The following CD8B2 variants were observed in gnomAD, a reference collection of about 807,000 sequenced individuals.
The protein encoded by CD8B2 is CD8B family member 2.
In CD8B2, 11 loss-of-function variants were observed where a neutral mutation model predicts 23.7. That is an observed-to-expected ratio of 0.46 (90% CI 0.29 to 0.77). The LOEUF is 0.77. Ranked by LOEUF, CD8B2 falls within the 30% of genes least tolerant of loss-of-function variation. The probability of loss-of-function intolerance (pLI) is 0.09; values close to 1 mark genes in which losing one functional copy is unlikely to be tolerated. For synonymous variants in CD8B2, 90 were observed against 109.3 expected (o/e 0.82, Z 1.10); for missense variants, 197 against 270.5 (o/e 0.73, Z 1.91).
At chr2:106,528,636 G>A (rs1679948486) in intron 5 of CD8B2, among the ~76,000 whole-genome samples, 1 of 152,184 alleles carries the variant, frequency 6.6e-6, no homozygotes, top group Non-Finnish European at 1.5e-5. Context: ...ATGAAAAAGA[G>A]AATAGCTCAT....
At chr2:106,491,887 C>T (rs1220967233) in intron 2 of CD8B2, among the ~76,000 whole-genome samples, 5 of 152,090 alleles carry the variant, frequency 3.3e-5, no homozygotes, top group Non-Finnish European at 7.4e-5. Context: ...CAGTGCGGTC[C>T]TTCAGGCCAC....
chr2:106,503,978 T>C (rs1481347815), intron 4 of CD8B2, among the ~76,000 whole-genome samples: 1 of 152,222 alleles, frequency 6.6e-6, no homozygotes, highest in African/African-American at 2.4e-5. Context: ...ACTCTGCAGC[T>C]GATTAATTGA....
At chr2:106,527,769 C>G (rs573290444) in intron 5 of CD8B2, among the ~76,000 whole-genome samples, 2 of 151,874 alleles carry the variant, frequency 1.3e-5, no homozygotes, top group South Asian at 2.1e-4. Flanking sequence ...GGCCACAGAG[C>G]GAGACTTTGT....
chr2:106,534,609 C>T (rs910875269), intron 5 of CD8B2, among the ~76,000 whole-genome samples: 1 of 152,050 alleles, frequency 6.6e-6, no homozygotes, highest in Non-Finnish European at 1.5e-5. Context: ...CCCAGGGGAA[C>T]GCCGGGTTCC....
Position 106,490,898 on chromosome 2 carries a change from A to AG in CD8B2, c.69dup (p.Gln24AlafsTer21). 6.3e-7 allele frequency: 1 copy of AG among 1,587,714 alleles called. No individual in the cohort carries two copies. The highest frequency in any genetic ancestry group is 2.2e-5 in the East Asian group (1 of 44,630). On this transcript the variant is annotated frameshift_variant, in exon 2 of 6. Transcript: ENST00000643224. LOFTEE classifies it high-confidence loss of function. ...GTTCTCCATGGCAACTCAGTCCTCC[A>AG]GCAGACCCCTGCATACATAAAGGTG...
intron 5 of CD8B2, among the ~76,000 whole-genome samples, chr2:106,519,426 A>C (rs957851556): frequency 2.0e-5 from 3 of 152,202 alleles, no homozygotes; most frequent in Admixed American, 6.5e-5. Flanking sequence ...TTAATTCCTC[A>C]TAACATCACT....
chr2:106,503,411 C>A (rs1400715058), intron 4 of CD8B2, among the ~76,000 whole-genome samples: 3 of 152,166 alleles, frequency 2.0e-5, no homozygotes, highest in Admixed American at 2.0e-4. Flanking sequence ...CTTTTGCCTA[C>A]AATTGTTCCC....
At chr2:106,527,203 G>T (rs906991613) in intron 5 of CD8B2, among the ~76,000 whole-genome samples, 3 of 152,206 alleles carry the variant, frequency 2.0e-5, no homozygotes, top group South Asian at 2.1e-4. Context: ...ATGTAAGAGG[G>T]TTCCAATTTT....
At chr2:106,516,041 G>A (rs571173595), downstream of CD8B2, among the ~76,000 whole-genome samples, 29 of 152,008 alleles carry the variant, frequency 1.9e-4, no homozygotes, top group Non-Finnish European at 3.2e-4. Flanking sequence ...TGTTTGTCAG[G>A]CTGATCTCGA....
At chr2:106,543,863 T>G (rs375800481) in intron 5 of CD8B2, 1 of 379,144 alleles carries the variant, frequency 2.6e-6, no homozygotes, top group Non-Finnish European at 4.5e-6. Flanking sequence ...TTTCACAGGT[T>G]CCATGAACTT....
intron 3 of CD8B2, among the ~76,000 whole-genome samples, chr2:106,499,402 G>A (rs1415010796): frequency 6.6e-6 from 1 of 151,822 alleles, no homozygotes; most frequent in Non-Finnish European, 1.5e-5. Flanking sequence ...CATTGTGGTG[G>A]GCACCTGTAA....
At chr2:106,511,211 A>T (rs1344611256), downstream of CD8B2, 1 of 152,246 alleles carries the variant, frequency 6.6e-6, no homozygotes, top group Non-Finnish European at 1.5e-5. Flanking sequence ...AGGTGGCCAG[A>T]CAGCACAGCC....
chr2:106,529,059 G>A (rs1049560307), intron 5 of CD8B2, among the ~76,000 whole-genome samples: 2 of 152,136 alleles, frequency 1.3e-5, no homozygotes, highest in Non-Finnish European at 2.9e-5. Flanking sequence ...TCTTGAGGGC[G>A]GCACAGGCAG....
At chr2:106,499,396 G>A (rs912774101) in intron 3 of CD8B2, among the ~76,000 whole-genome samples, 1 of 152,014 alleles carries the variant, frequency 6.6e-6, no homozygotes, top group African/African-American at 2.4e-5. Context: ...GCTGGGCATT[G>A]TGGTGGGCAC....
At chr2:106,517,994 G>A (rs1197395280) in intron 5 of CD8B2, among the ~76,000 whole-genome samples, 1 of 152,104 alleles carries the variant, frequency 6.6e-6, no homozygotes, top group Admixed American at 6.5e-5. Flanking sequence ...GATTACAGGC[G>A]GGAGCCACCG....
At chr2:106,535,984 A>C (rs1001837069) in intron 5 of CD8B2, among the ~76,000 whole-genome samples, 1 of 151,488 alleles carries the variant, frequency 6.6e-6, no homozygotes, top group Admixed American at 6.6e-5. Flanking sequence ...GGTATGTCTT[A>C]CATGGCCAGA....
rs115017269 is a variant in CD8B2, at chr2:106,507,789, C to T, written c.*849C>T. 18,321 of 301,852 alleles carry T rather than the reference C, an allele frequency of 0.061. 576 individuals are homozygous for T. The highest frequency in any genetic ancestry group is 0.12 in the Middle Eastern group (71 of 596). 18.7% of individuals were successfully genotyped at this position (301,852 alleles called of 1,614,324 possible). ...TTTGCACCTGAGATCCTCATTTGCC[C>T]GACATTGTAGGTGTGGAGAGTCCTA... On this transcript the variant is annotated 3_prime_UTR_variant, in exon 6 of 6. Transcript: ENST00000643224.
At chr2:106,502,333 A>G in intron 3 of CD8B2, 141 bp from the exon 4 acceptor site, 1 of 519,106 alleles carries the variant, frequency 1.9e-6, no homozygotes. Context: ...TTGAGGAAAC[A>G]TACATTACAT....
intron 5 of CD8B2, among the ~76,000 whole-genome samples, chr2:106,533,327 T>A (rs2104574429): frequency 6.6e-6 from 1 of 152,310 alleles, no homozygotes; most frequent in East Asian, 1.9e-4. Flanking sequence ...CTCAGAGCCC[T>A]TTTGCAGCCA....
Sources: gnomAD v4.1 joint callset for allele counts (sites outside exome capture counted in the v4.1 genomes callset) on GRCh38, gnomAD v4.1.1 for gene constraint, MANE v1.5 for transcripts, NCBI Gene and HGNC (gene_info 2026-07-23, HGNC 2026-07-21) for gene names.